Variants in DYNC1I1 observed in about 807,000 individuals in gnomAD.
The protein encoded by DYNC1I1 is cytoplasmic dynein 1 intermediate chain 1.
In DYNC1I1, 43 loss-of-function variants were observed where a neutral mutation model predicts 86.6. The observed-to-expected ratio is 0.50, with a 90% CI of 0.39 to 0.64. The LOEUF is 0.64. Among genes scored for constraint, DYNC1I1 ranks in the 30% least tolerant of loss-of-function variants. The probability of loss-of-function intolerance (pLI) is 0.00; values close to 1 mark genes in which losing one functional copy is unlikely to be tolerated. For synonymous variants in DYNC1I1, 262 were observed against 283.7 expected, an observed-to-expected ratio of 0.92 and a Z score of 0.77; for missense variants, 604 against 788.8, an observed-to-expected ratio of 0.77 and a Z score of 2.81.
intron 4 of DYNC1I1, 118 bp from the exon 5 acceptor site, chr7:95,827,939 G>T: frequency 2.2e-6 from 2 of 919,982 alleles, no homozygotes; most frequent in Admixed American, 1.8e-5. Context: ...AGGGGGACAT[G>T]TTCTGTGTAT....
At chr7:95,846,812 T>C (rs189576100) in intron 5 of DYNC1I1, among the ~76,000 whole-genome samples, 1 of 152,308 alleles carries the variant, frequency 6.6e-6, no homozygotes, top group East Asian at 1.9e-4. Flanking sequence ...TAGAATTCAG[T>C]AGTTGAAAAA....
intron 4 of DYNC1I1, among the ~76,000 whole-genome samples, chr7:95,824,026 TG>T (rs1795148100): frequency 7.2e-6 from 1 of 138,302 alleles, no homozygotes; most frequent in African/African-American, 2.7e-5. Context: ...AGGGTCTTAC[TG>T]TCACCCAGGC....
intron 10 of DYNC1I1, among the ~76,000 whole-genome samples, chr7:96,011,745 T>C (rs1333090065): frequency 1.3e-5 from 2 of 152,232 alleles, no homozygotes. Flanking sequence ...GTCAACATAC[T>C]TGAGTGTACT....
intron 5 of DYNC1I1, among the ~76,000 whole-genome samples, chr7:95,868,697 G>A (rs1646830232): frequency 6.6e-6 from 1 of 152,036 alleles, no homozygotes; most frequent in African/African-American, 2.4e-5. Context: ...ACATATGTTT[G>A]TAAATTATGT....
intron 10 of DYNC1I1, among the ~76,000 whole-genome samples, chr7:96,023,101 G>A (rs924016329): frequency 2.0e-5 from 3 of 151,988 alleles, no homozygotes; most frequent in East Asian, 1.9e-4. Flanking sequence ...TTAGGTACTC[G>A]CAGAAATAGC....
intron 5 of DYNC1I1, among the ~76,000 whole-genome samples, chr7:95,832,066 C>G (rs1180887383): frequency 3.3e-5 from 5 of 149,790 alleles, no homozygotes; most frequent in African/African-American, 1.2e-4. Flanking sequence ...GCGCTGCACC[C>G]ACTAACTCGT....
chr7:95,987,020 G>A, intron 8 of DYNC1I1, 36 bp from the exon 9 acceptor site: 1 of 1,585,574 alleles, frequency 6.3e-7, no homozygotes, highest in Non-Finnish European at 8.7e-7. Context: ...TAGAGAAAGA[G>A]CTCCATATTT....
chr7:96,082,156 G>A (rs1790540217), intron 16 of DYNC1I1, among the ~76,000 whole-genome samples: 1 of 151,948 alleles, frequency 6.6e-6, no homozygotes, highest in Non-Finnish European at 1.5e-5. Flanking sequence ...TCTTAAATGA[G>A]TATTCTTTAT....
intron 1 of DYNC1I1, among the ~76,000 whole-genome samples, chr7:95,785,870 A>C (rs995686744): frequency 2.7e-5 from 4 of 147,910 alleles, no homozygotes; most frequent in African/African-American, 9.9e-5. Context: ...AGGGGTATGG[A>C]GTTCTCACCC....
chr7:95,920,900 T>C (rs2116375987), intron 6 of DYNC1I1, among the ~76,000 whole-genome samples: 1 of 152,298 alleles, frequency 6.6e-6, no homozygotes, highest in South Asian at 2.1e-4. Flanking sequence ...TATGAGAAAG[T>C]TCATTCCCCA....
intron 6 of DYNC1I1, among the ~76,000 whole-genome samples, chr7:95,920,260 C>T (rs1201450392): frequency 6.6e-6 from 1 of 152,184 alleles, no homozygotes; most frequent in Non-Finnish European, 1.5e-5. Flanking sequence ...CCCACACCCA[C>T]AAACCCCGTC....
intron 1 of DYNC1I1, among the ~76,000 whole-genome samples, chr7:95,797,304 A>G (rs892697128): frequency 1.3e-5 from 2 of 152,218 alleles, no homozygotes; most frequent in African/African-American, 4.8e-5. Flanking sequence ...ACATTTTCTC[A>G]AAAATCAATG....
At chr7:95,845,038 C>T (rs1789389086) in intron 5 of DYNC1I1, among the ~76,000 whole-genome samples, 1 of 152,140 alleles carries the variant, frequency 6.6e-6, no homozygotes, top group East Asian at 1.9e-4. Flanking sequence ...TGACCAAGTA[C>T]AGTTTGAAGG....
chr7:96,056,036 CT>C (rs10712465), intron 14 of DYNC1I1: 38,438 of 152,076 alleles, frequency 0.25, 5,239 homozygotes, highest in African/African-American at 0.35. Flanking sequence ...CAGAGTTCCT[CT>C]TTACCTCTCT....
At position 96,105,906 on chromosome 7, in the gene DYNC1I1, A is replaced by G. The variant is rs182893788; in HGVS notation, c.1543-4073A>G. ...ACAAGTTGCATTTTTCAAGAAATGC[A>G]TCCATTTCATTTGTCAGATGTATCC... On this transcript the variant is annotated intron_variant, in intron 16 of 16. Transcript: ENST00000537881. Among the ~76,000 whole-genome samples, 251 of 152,302 alleles carry G rather than the reference A, an allele frequency of 1.6e-3. 4 individuals carry two copies. The highest frequency in any genetic ancestry group is 5.8e-3 in the African/African-American group (240 of 41,584).
At chr7:96,002,213 T>C (rs1469992963) in intron 10 of DYNC1I1, among the ~76,000 whole-genome samples, 1 of 152,192 alleles carries the variant, frequency 6.6e-6, no homozygotes, top group Non-Finnish European at 1.5e-5. Context: ...GACTGGCTCC[T>C]CTCAATTATT....
At chr7:96,031,361 GAAC>G (rs1185279037) in intron 11 of DYNC1I1, among the ~76,000 whole-genome samples, 3 of 152,134 alleles carry the variant, frequency 2.0e-5, no homozygotes, top group Admixed American at 6.5e-5. Flanking sequence ...GAGTAACAGG[GAAC>G]AACTATCTAT....
intron 4 of DYNC1I1, among the ~76,000 whole-genome samples, chr7:95,825,502 T>C (rs559777695): frequency 6.6e-6 from 1 of 152,292 alleles, no homozygotes; most frequent in African/African-American, 2.4e-5. Context: ...GAACAGCAAA[T>C]ATGAATTACG....
At chr7:95,803,944 A>G (rs1474060093) in intron 1 of DYNC1I1, among the ~76,000 whole-genome samples, 1 of 152,186 alleles carries the variant, frequency 6.6e-6, no homozygotes, top group Non-Finnish European at 1.5e-5. Flanking sequence ...CATGATTAAC[A>G]TTAAAATTAA....
Sources: gnomAD v4.1 joint callset for allele counts (sites outside exome capture counted in the v4.1 genomes callset) on GRCh38, gnomAD v4.1.1 for gene constraint, MANE v1.5 for transcripts, NCBI Gene and HGNC (gene_info 2026-07-23, HGNC 2026-07-21) for gene names.